Variants in TMPRSS15 observed in about 807,000 individuals in gnomAD.
The protein encoded by TMPRSS15 is transmembrane serine protease 15, also known as enteropeptidase.
In TMPRSS15, 128 loss-of-function variants were observed where a neutral mutation model predicts 125.3. That is an observed-to-expected ratio of 1.02 (90% CI 0.89 to 1.18). The LOEUF is 1.18. Among genes scored for constraint, TMPRSS15 ranks in the 50% most tolerant of loss-of-function variants. The pLI, the probability that TMPRSS15 is intolerant of heterozygous loss-of-function variation, is 0.00. For missense variants in TMPRSS15, 1,283 were observed against 1,212.7 expected (o/e 1.06, Z -0.86); for synonymous variants, 446 against 423.2 (o/e 1.05, Z -0.66).
chr21:18,294,077 C>T (rs1354180510), intron 21 of TMPRSS15, among the ~76,000 whole-genome samples, 193 bp downstream of exon 21: 1 of 152,158 alleles, frequency 6.6e-6, no homozygotes, highest in African/African-American at 2.4e-5. Flanking sequence ...ATATCTAATG[C>T]AGGATAATTT....
At chr21:18,452,781 T>A (rs993020604) in intron 1 of TMPRSS15, among the ~76,000 whole-genome samples, 1 of 152,064 alleles carries the variant, frequency 6.6e-6, no homozygotes, top group African/African-American at 2.4e-5. Flanking sequence ...TTTAACAGCT[T>A]TATTGAGTTA....
At chr21:18,312,053 A>G (rs530166624) in intron 18 of TMPRSS15, among the ~76,000 whole-genome samples, 6 of 152,262 alleles carry the variant, frequency 3.9e-5, no homozygotes, top group Non-Finnish European at 7.4e-5. Context: ...GTTTAATATG[A>G]CAAACAAACT....
chr21:18,278,888 A>ACAGGATATTAT (rs2074653092), intron 23 of TMPRSS15, 76 bp downstream of exon 23: 1 of 787,596 alleles, frequency 1.3e-6, no homozygotes. Flanking sequence ...GAAAGCATTC[A>ACAGGATATTAT]CAGGATATTA....
intron 18 of TMPRSS15, among the ~76,000 whole-genome samples, chr21:18,309,945 T>C (rs1209639384): frequency 6.6e-6 from 1 of 152,138 alleles, no homozygotes; most frequent in Non-Finnish European, 1.5e-5. Context: ...ATCACTTGGA[T>C]GAGGCTTGGA....
At chr21:18,369,534 C>A (rs1450926233) in intron 6 of TMPRSS15, among the ~76,000 whole-genome samples, 2 of 151,896 alleles carry the variant, frequency 1.3e-5, no homozygotes, top group African/African-American at 4.8e-5. Context: ...GTGTGCAAAC[C>A]TAAATAACTA....
chr21:18,272,810 T>A (rs1196148938), intron 24 of TMPRSS15, among the ~76,000 whole-genome samples: 1 of 152,186 alleles, frequency 6.6e-6, no homozygotes, highest in Non-Finnish European at 1.5e-5. Flanking sequence ...ACATAAAGTA[T>A]TAACCTTAAA....
At chr21:18,282,973 A>C (rs2074719245) in intron 21 of TMPRSS15, among the ~76,000 whole-genome samples, 1 of 152,166 alleles carries the variant, frequency 6.6e-6, no homozygotes, top group Admixed American at 6.6e-5. Context: ...AGGGGAAGTT[A>C]TCTCTGCTCC....
chr21:18,296,205 T>C (rs1002183289), intron 19 of TMPRSS15, among the ~76,000 whole-genome samples: 11 of 152,172 alleles, frequency 7.2e-5, no homozygotes, highest in African/African-American at 2.4e-4. Flanking sequence ...ATTTTTATAG[T>C]TGGCTGAATC....
At chr21:18,480,907 C>T (rs1381251196) in intron 1 of TMPRSS15, among the ~76,000 whole-genome samples, 1 of 151,770 alleles carries the variant, frequency 6.6e-6, no homozygotes, top group Non-Finnish European at 1.5e-5. Context: ...ATGAGACTGA[C>T]ATTAATCAAA....
chr21:18,452,458 G>T (rs1216540648), intron 1 of TMPRSS15, among the ~76,000 whole-genome samples: 1 of 152,094 alleles, frequency 6.6e-6, no homozygotes, highest in Non-Finnish European at 1.5e-5. Flanking sequence ...CAGCCCAACA[G>T]CTCTAGACCA....
chr21:18,441,277 G>C (rs1008978205), intron 1 of TMPRSS15, among the ~76,000 whole-genome samples: 1 of 129,282 alleles, frequency 7.7e-6, no homozygotes, highest in Non-Finnish European at 1.7e-5. Context: ...GTGAAACTCC[G>C]TCTCAAACAA....
chr21:18,416,571 C>T (rs969738563), intron 1 of TMPRSS15, among the ~76,000 whole-genome samples: 1 of 151,982 alleles, frequency 6.6e-6, no homozygotes, highest in East Asian at 1.9e-4. Flanking sequence ...CCCCTTGTAC[C>T]TTATCCATAT....
At chr21:18,361,993 G>A (rs1186447724) in intron 7 of TMPRSS15, among the ~76,000 whole-genome samples, 2 of 152,176 alleles carry the variant, frequency 1.3e-5, no homozygotes, top group East Asian at 1.9e-4. Flanking sequence ...CTCCAAGGGC[G>A]ATTATGATGA....
At chr21:18,444,936 G>A (rs1169057649) in intron 1 of TMPRSS15, among the ~76,000 whole-genome samples, 1 of 152,062 alleles carries the variant, frequency 6.6e-6, no homozygotes, top group Non-Finnish European at 1.5e-5. Context: ...CCACATGAGT[G>A]AGACAACAAA....
rs2074694357 is a variant in TMPRSS15 at position 18,281,184 on chromosome 21, C to T, written c.2524G>A (p.Gly842Ser). The change falls in exon 22 of 25, where the codon GGC becomes AGC. Residue 842 changes from glycine to serine, a missense_variant. Physicochemically the swap from Gly to Ser is moderately conservative, Grantham distance 56 (BLOSUM62 0). Coordinates refer to ENST00000284885, the MANE Select transcript of TMPRSS15 (RefSeq NM_002772.3). The stretch of plus-strand genomic sequence containing the variant: ...GTCAGATTTGATTTCATATGCAGGC[C>T]TAGGATTGCTGTCCACTTGGATGGC... The part of the protein sequence containing the change: ...LEPSKWTAIL[G>S]LHMKSNLTSP... 1 of 1,613,840 alleles carries T rather than the reference C, an allele frequency of 6.2e-7. No homozygotes were observed. The highest frequency in any genetic ancestry group is 1.3e-5 in the African/African-American group (1 of 74,854).
At chr21:18,419,341 T>C (rs1180150240) in intron 1 of TMPRSS15, among the ~76,000 whole-genome samples, 1 of 147,950 alleles carries the variant, frequency 6.8e-6, no homozygotes, top group Non-Finnish European at 1.5e-5. Flanking sequence ...TTCTCCTGCC[T>C]CAGCCTCCTG....
At chr21:18,307,385 A>G (rs1452434425) in intron 18 of TMPRSS15, among the ~76,000 whole-genome samples, 1 of 152,208 alleles carries the variant, frequency 6.6e-6, no homozygotes, top group Non-Finnish European at 1.5e-5. Flanking sequence ...AAATGGGATC[A>G]GTGAACTAGA....
intron 8 of TMPRSS15, among the ~76,000 whole-genome samples, chr21:18,357,681 C>G (rs1379278267): frequency 2.0e-5 from 3 of 151,682 alleles, no homozygotes; most frequent in Non-Finnish European, 4.4e-5. Flanking sequence ...AAAGTATCTG[C>G]ATTATTACCA....
chr21:18,292,769 T>C (rs1433668496), intron 21 of TMPRSS15, among the ~76,000 whole-genome samples: 1 of 152,230 alleles, frequency 6.6e-6, no homozygotes, highest in African/African-American at 2.4e-5. Context: ...GATGTTATGC[T>C]ATCCGTGACA....
Sources: allele counts gnomAD v4.1 joint callset (sites outside exome capture counted in the v4.1 genomes callset), GRCh38; gene constraint gnomAD v4.1.1; transcripts MANE v1.5; gene names NCBI Gene and HGNC (gene_info 2026-07-23, HGNC 2026-07-21).